The following CTDP1 variants were observed in gnomAD, a reference collection of about 807,000 sequenced individuals.
The protein encoded by CTDP1 is CTD phosphatase 1, also known as RNA polymerase II subunit A C-terminal domain phosphatase.
In CTDP1, 47 loss-of-function variants were observed where a neutral mutation model predicts 91.8. The observed-to-expected ratio is 0.51, with a 90% CI of 0.41 to 0.65. The LOEUF (loss-of-function observed/expected upper bound fraction) is 0.65. Among genes scored for constraint, CTDP1 ranks in the 30% least tolerant of loss-of-function variants. The pLI is 0.00. For missense variants in CTDP1, 1,272 were observed against 1,373.7 expected (o/e 0.93, Z 1.17); for synonymous variants, 656 against 598.5 (o/e 1.10, Z -1.40).
intron 1 of CTDP1, among the ~76,000 whole-genome samples, chr18:79,689,260 G>A (rs1211711203): frequency 6.6e-6 from 1 of 152,258 alleles, no homozygotes; most frequent in South Asian, 2.1e-4. Flanking sequence ...CAGAGCCTGC[G>A]TTTAGTGAAG....
At position 79,710,672 on chromosome 18, in the gene CTDP1, C is replaced by T. The variant is rs1195721805; in HGVS notation, c.863+236C>T. On this transcript the variant is annotated intron_variant, in intron 6 of 12. Coordinates refer to ENST00000613122, the MANE Select transcript of CTDP1 (RefSeq NM_004715.5). ...AGTAGCTAGGACTACAGGCACCCAC[C>T]ACCTCGCCCGGCAATTTTTTTTTTT... Among the ~76,000 whole-genome samples the T allele has an allele frequency of 5.4e-5, 8 of 148,842 alleles. 1 individual carries two copies. The highest frequency in any genetic ancestry group is 4.7e-4 in the Admixed American group (7 of 14,824).
At chr18:79,719,353 G>A (rs2086287453) in intron 10 of CTDP1, among the ~76,000 whole-genome samples, 2 of 152,108 alleles carry the variant, frequency 1.3e-5, no homozygotes, top group Non-Finnish European at 2.9e-5. Context: ...AGCTGGGCCG[G>A]TGCGGGTGGC....
chr18:79,715,277 C>A lies in CTDP1; in HGVS notation c.1817C>A (p.Ala606Asp). 6.2e-7 allele frequency: 1 copy of A among 1,610,354 alleles called. No individual in the cohort carries two copies. Among genetic ancestry groups the A allele is most frequent in the Non-Finnish European group, 8.5e-7 (1 of 1,178,360 alleles). ...GTCCGTGTACACACTGACTACTATG[C>A]CAAGTATGACCGCTACCTCAACAAG... ...ILVRVHTDYYAKYDRYLNKEI... is the reference protein window; with the variant it reads ...ILVRVHTDYYDKYDRYLNKEI... The change falls in exon 8 of 13, where the codon GCC (alanine) becomes GAC (aspartate). Residue 606 changes from alanine (A) to aspartate (D), a missense_variant. This residue lies in a region of CTDP1 where 881 missense variants were observed against 911.6 expected (regional missense o/e 0.97). Coordinates refer to ENST00000613122, the MANE Select transcript of CTDP1 (RefSeq NM_004715.5).
chr18:79,679,811 G>A lies in CTDP1; in HGVS notation c.-137G>A. 1 of 836,114 alleles carries A rather than the reference G, an allele frequency of 1.2e-6. No individual in the cohort carries two copies. Among genetic ancestry groups the A allele is most frequent in the Non-Finnish European group, 1.7e-6 (1 of 576,134 alleles). 51.8% of individuals were successfully genotyped at this position (836,114 alleles called of 1,614,324 possible). On this transcript the variant is annotated 5_prime_UTR_variant, in exon 1 of 13. Transcript: ENST00000613122. ...GTCACGCGCCCTCCAGGAAGTCGGC[G>A]CGGGCTAGGCGACGGGTGGAAGCCG...
chr18:79,717,503 G>T, intron 8 of CTDP1, 32 bp from the exon 9 acceptor site: 1 of 1,610,520 alleles, frequency 6.2e-7, no homozygotes, highest in Non-Finnish European at 8.5e-7. Context: ...AGTGCTGGCC[G>T]GAACAGCCTG....
Position 79,717,587 on chromosome 18 carries a change from C to T in CTDP1, c.2121C>T (p.Asn707=), listed in dbSNP as rs1313773852. 3.7e-6 allele frequency: 6 copies of T among 1,613,796 alleles called. No homozygotes were observed. The highest frequency in any genetic ancestry group is 5.1e-6 in the Non-Finnish European group (6 of 1,179,954). Residue 707 remains asparagine, a synonymous_variant, in exon 9 of 13, where the codon AAC becomes AAT. Transcript: ENST00000613122. ...AGTGCGGACACCTGCACGTGGTCAA[C>T]CCTGACTGGCTGTGGAGCTGCCTGG... ...AQECGHLHVV[N]PDWLWSCLER... is the part of the protein sequence containing the mutation.
At chr18:79,678,938 C>T (rs2085292624), upstream of CTDP1, 1 of 182,290 alleles carries the variant, frequency 5.5e-6, no homozygotes, top group African/African-American at 2.4e-5. Flanking sequence ...CACAGCCTCC[C>T]GAAGTGCTGA....
chr18:79,736,557 C>T (rs887517165), intron 12 of CTDP1, 36 bp downstream of exon 12: 9 of 1,503,524 alleles, frequency 6.0e-6, no homozygotes, highest in African/African-American at 4.2e-5. Flanking sequence ...GGGCCTGACA[C>T]GGGCTCCCGG....
intron 10 of CTDP1, among the ~76,000 whole-genome samples, chr18:79,722,408 C>CT (rs1182772429): frequency 6.6e-6 from 1 of 152,222 alleles, no homozygotes; most frequent in East Asian, 1.9e-4. Context: ...AATAAGTCGA[C>CT]TTTTGATGAA....
Position 79,714,501 on chromosome 18 carries a change from T to C in CTDP1, c.1041T>C (p.Ser347=), listed in dbSNP as rs767816565. 2.5e-6 allele frequency: 4 copies of C among 1,613,126 alleles called. No individual in the cohort carries two copies. The Admixed American group carries it at 6.7e-5, about 27-fold the overall frequency. The part of the protein sequence containing the change: ...ESQTRKKVNH[S]RGTEVSEPSP... ...TGCATGCATATTTAGTAAATCATTCTCGAGGCACTGAGGTCTCAGAGCCAT... is the reference window on the plus strand; with the variant it reads ...TGCATGCATATTTAGTAAATCATTCCCGAGGCACTGAGGTCTCAGAGCCAT... Residue 347 remains serine (S), a synonymous_variant, in exon 8 of 13, where the codon TCT becomes TCC. Transcript: ENST00000613122.
chr18:79,710,736 G>A (rs1279889481), intron 6 of CTDP1, among the ~76,000 whole-genome samples: 6 of 120,620 alleles, frequency 5.0e-5, no homozygotes, highest in South Asian at 2.6e-4. Flanking sequence ...TAGTACAGAC[G>A]GTGGTTTCAC....
chr18:79,693,421 C>T (rs2085664156), intron 1 of CTDP1, among the ~76,000 whole-genome samples: 1 of 152,004 alleles, frequency 6.6e-6, no homozygotes, highest in African/African-American at 2.4e-5. Context: ...AACAAGGTGT[C>T]ACTATTTTGT....
At chr18:79,690,116 T>A (rs184344634) in intron 1 of CTDP1, among the ~76,000 whole-genome samples, 1 of 152,254 alleles carries the variant, frequency 6.6e-6, no homozygotes, top group African/African-American at 2.4e-5. Context: ...ACTCAGAATG[T>A]TGGAACTTAG....
At chr18:79,694,168 AGC>A (rs2085687061) in intron 1 of CTDP1, among the ~76,000 whole-genome samples, 1 of 117,938 alleles carries the variant, frequency 8.5e-6, no homozygotes, top group African/African-American at 3.3e-5. Context: ...GGGGGCTGTG[AGC>A]ACCTAGGGGC....
chr18:79,693,984 G>A (rs996345772), intron 1 of CTDP1, among the ~76,000 whole-genome samples: 4 of 152,232 alleles, frequency 2.6e-5, no homozygotes, highest in African/African-American at 7.2e-5. Flanking sequence ...ATGTGGCTCC[G>A]CCTTGTTTCC....
chr18:79,737,443 T>C (rs1348324407), intron 12 of CTDP1, among the ~76,000 whole-genome samples: 1 of 152,182 alleles, frequency 6.6e-6, no homozygotes, highest in Non-Finnish European at 1.5e-5. Flanking sequence ...TTAGCTTTTT[T>C]CCCAGATGAT....
In CTDP1 at chr18:79,695,673, G is replaced by A. The variant is rs138364691; in HGVS notation, c.399-304G>A. ...ACCTCTAATGCCAAGTGGGAGGTGC[G>A]GCAGCTACTTTTTCTGCGTTTTCAT... is the stretch of plus-strand genomic sequence containing the variant. On this transcript the variant is annotated intron_variant, in intron 2 of 12. Transcript: ENST00000613122. Among the ~76,000 whole-genome samples the A allele has an allele frequency of 7.2e-3, 1,090 of 152,314 alleles. 12 individuals carry two copies. Among genetic ancestry groups the A allele is most frequent in the African/African-American group, 0.025 (1,045 of 41,564 alleles).
intron 1 of CTDP1, among the ~76,000 whole-genome samples, chr18:79,682,744 T>C (rs1445439712): frequency 6.6e-6 from 1 of 152,170 alleles, no homozygotes. Flanking sequence ...GAATTTGGTA[T>C]CTGAAGGAGT....
At chr18:79,719,050 C>T (rs932012406) in intron 10 of CTDP1, among the ~76,000 whole-genome samples, 4 of 152,182 alleles carry the variant, frequency 2.6e-5, no homozygotes, top group Admixed American at 2.0e-4. Flanking sequence ...GCGTGGCCTT[C>T]GCACAGTGGG....
Sources: gnomAD v4.1 joint callset for allele counts (sites outside exome capture counted in the v4.1 genomes callset) on GRCh38, gnomAD v4.1.1 for gene constraint, gnomAD v4.1.1 regional missense constraint, MANE v1.5 for transcripts, NCBI Gene and HGNC (gene_info 2026-07-23, HGNC 2026-07-21) for gene names.